The following NRXN1 variants were observed in gnomAD, a reference collection of about 807,000 sequenced individuals.
NRXN1 encodes the protein neurexin 1, also known as neurexin-1.
In NRXN1, 39 loss-of-function variants were observed where a neutral mutation model predicts 150.9. The ratio of observed to expected loss-of-function variants is 0.26; its 90% confidence interval spans 0.20 to 0.34. The LOEUF (loss-of-function observed/expected upper bound fraction) is 0.34. NRXN1 is among the 10% of genes least tolerant of loss of function. NRXN1 has a pLI of 1.00. For missense variants in NRXN1, 1,815 were observed against 1,949.9 expected (o/e 0.93, Z 1.30); for synonymous variants, 924 against 757.0 (o/e 1.22, Z -3.62).
chr2:50,798,070 G>C (rs1321174753), intron 5 of NRXN1, among the ~76,000 whole-genome samples: 1 of 152,126 alleles, frequency 6.6e-6, no homozygotes, highest in African/African-American at 2.4e-5. Flanking sequence ...TATTTACCAG[G>C]AGAAGGAAAG....
At chr2:50,256,314 T>C (rs934903376) in intron 17 of NRXN1, among the ~76,000 whole-genome samples, 1 of 152,124 alleles carries the variant, frequency 6.6e-6, no homozygotes, top group Non-Finnish European at 1.5e-5. Context: ...TATTTAGCAT[T>C]AGAACAATAG....
At chr2:50,083,350 G>A (rs1698248538) in intron 19 of NRXN1, among the ~76,000 whole-genome samples, 1 of 152,162 alleles carries the variant, frequency 6.6e-6, no homozygotes, top group African/African-American at 2.4e-5. Flanking sequence ...TAGTTTAAAT[G>A]ATGCCAAAAC....
chr2:50,190,212 A>T (rs1411464762), intron 18 of NRXN1, among the ~76,000 whole-genome samples: 1 of 152,096 alleles, frequency 6.6e-6, no homozygotes, highest in African/African-American at 2.4e-5. Flanking sequence ...ATTAAATACC[A>T]TTTTCCTTAA....
intron 19 of NRXN1, among the ~76,000 whole-genome samples, chr2:50,084,196 G>A (rs1208793662): frequency 1.3e-5 from 2 of 152,318 alleles, no homozygotes; most frequent in East Asian, 3.9e-4. Context: ...CCCACACGGG[G>A]CGGCAGATGG....
At chr2:50,196,291 T>C (rs185820789) in intron 18 of NRXN1, among the ~76,000 whole-genome samples, 25 of 152,282 alleles carry the variant, frequency 1.6e-4, no homozygotes, top group Admixed American at 1.2e-3. Context: ...CTAATTTCTA[T>C]AGCTGAGAAA....
intron 18 of NRXN1, among the ~76,000 whole-genome samples, chr2:50,221,331 C>T (rs1359420731): frequency 2.0e-5 from 3 of 151,974 alleles, no homozygotes; most frequent in African/African-American, 7.2e-5. Context: ...TGCTCAGTAC[C>T]ATGTGTTACC....
intron 21 of NRXN1, among the ~76,000 whole-genome samples, chr2:50,039,258 G>T (rs1233855954): frequency 6.6e-6 from 1 of 152,052 alleles, no homozygotes. Context: ...CTGAGGTCAG[G>T]AGTTCAAGAC....
At chr2:50,585,261 T>A (rs1459530393) in intron 8 of NRXN1, among the ~76,000 whole-genome samples, 1 of 152,074 alleles carries the variant, frequency 6.6e-6, no homozygotes, top group African/African-American at 2.4e-5. Context: ...TTAAGTAAAA[T>A]AAGCCAGACA....
At chr2:50,010,285 A>C (rs902058940) in intron 21 of NRXN1, among the ~76,000 whole-genome samples, 2 of 152,138 alleles carry the variant, frequency 1.3e-5, no homozygotes, top group African/African-American at 4.8e-5. Context: ...GGCCGAGATA[A>C]TTTCTGTCCC....
At chr2:50,540,069 G>A (rs1048716896) in intron 9 of NRXN1, among the ~76,000 whole-genome samples, 3 of 152,280 alleles carry the variant, frequency 2.0e-5, no homozygotes, top group Admixed American at 6.5e-5. Context: ...TTGTCAGGGA[G>A]AAGGGCATGG....
At chr2:50,476,036 T>C (rs2089961520) in intron 15 of NRXN1, among the ~76,000 whole-genome samples, 1 of 152,092 alleles carries the variant, frequency 6.6e-6, no homozygotes, top group Non-Finnish European at 1.5e-5. Context: ...TGTTACCTCT[T>C]CTTCAAAATG....
chr2:51,024,672 G>A (rs891370150), intron 2 of NRXN1, among the ~76,000 whole-genome samples: 2 of 152,114 alleles, frequency 1.3e-5, no homozygotes, highest in Non-Finnish European at 2.9e-5. Flanking sequence ...GAGGTTGGGG[G>A]AGAGATAATA....
chr2:50,486,939 G>C (rs1255904885), intron 15 of NRXN1, among the ~76,000 whole-genome samples: 1 of 152,122 alleles, frequency 6.6e-6, no homozygotes, highest in Non-Finnish European at 1.5e-5. Context: ...ATTGAGATGA[G>C]ATACCATGTG....
intron 17 of NRXN1, among the ~76,000 whole-genome samples, chr2:50,344,418 C>G (rs2077777063): frequency 6.6e-6 from 1 of 152,088 alleles, no homozygotes; most frequent in Non-Finnish European, 1.5e-5. Context: ...GAGGAGCAGC[C>G]TCTTCCAAAA....
chr2:50,732,426 T>C (rs1022702048), intron 5 of NRXN1, among the ~76,000 whole-genome samples: 1 of 152,126 alleles, frequency 6.6e-6, no homozygotes, highest in Non-Finnish European at 1.5e-5. Flanking sequence ...ATAGTAGTTA[T>C]CAACATCATG....
intron 18 of NRXN1, among the ~76,000 whole-genome samples, chr2:50,145,499 G>A (rs1348745343): frequency 6.6e-6 from 1 of 151,564 alleles, no homozygotes; most frequent in East Asian, 1.9e-4. Flanking sequence ...CCCATTTCCT[G>A]TCAATTGATC....
intron 12 of NRXN1, among the ~76,000 whole-genome samples, chr2:50,520,869 T>C (rs867897059): frequency 6.6e-6 from 1 of 152,194 alleles, no homozygotes; most frequent in Middle Eastern, 3.4e-3. Flanking sequence ...ATTATTTGAT[T>C]TAAAAATTTC....
intron 17 of NRXN1, among the ~76,000 whole-genome samples, chr2:50,421,073 A>G (rs578169637): frequency 1.7e-3 from 250 of 150,402 alleles, no homozygotes; most frequent in African/African-American, 5.6e-3. Flanking sequence ...ATATCTTGCA[A>G]TGGACCCCTG....
chr2:50,866,258 A>C (rs1261442435), intron 5 of NRXN1, among the ~76,000 whole-genome samples: 8 of 151,968 alleles, frequency 5.3e-5, no homozygotes, highest in Non-Finnish European at 7.4e-5. Context: ...ATTTATATCT[A>C]TATTAGAGTT....
Sources: allele counts gnomAD v4.1 joint callset (sites outside exome capture counted in the v4.1 genomes callset), GRCh38; gene constraint gnomAD v4.1.1; transcripts MANE v1.5; gene names NCBI Gene and HGNC (gene_info 2026-07-23, HGNC 2026-07-21).